Variants in KIF13A observed in about 807,000 individuals in gnomAD.
KIF13A encodes the protein kinesin-like protein KIF13A.
A neutral mutation model predicts 212.2 loss-of-function variants in KIF13A; 79 were observed. The ratio of observed to expected loss-of-function variants is 0.37; its 90% CI spans 0.31 to 0.45. The LOEUF (loss-of-function observed/expected upper bound fraction) is 0.45. Ranked by LOEUF, KIF13A falls within the 20% of genes least tolerant of loss-of-function variation. The pLI is 1.00. For synonymous variants in KIF13A, 789 were observed against 808.6 expected (o/e 0.98, Z 0.41); for missense variants, 1,901 against 2,209.0 (o/e 0.86, Z 2.79).
intron 2 of KIF13A, among the ~76,000 whole-genome samples, chr6:17,911,054 C>G (rs202175212): frequency 6.6e-6 from 1 of 152,162 alleles, no homozygotes; most frequent in African/African-American, 2.4e-5. Context: ...TGAGCCACCG[C>G]GCCCAGCCTA....
At chr6:17,851,025 G>A (rs1251164998) in intron 7 of KIF13A, among the ~76,000 whole-genome samples, 1 of 152,156 alleles carries the variant, frequency 6.6e-6, no homozygotes, top group Non-Finnish European at 1.5e-5. Context: ...CCAGTAAGAG[G>A]TAGAGCTGGG....
At chr6:17,833,399 G>T (rs1356013547) in intron 12 of KIF13A, among the ~76,000 whole-genome samples, 1 of 151,618 alleles carries the variant, frequency 6.6e-6, no homozygotes, top group African/African-American at 2.4e-5. Context: ...GGGGGACTGA[G>T]GGAGGAGAAT....
At chr6:17,760,990 A>G, downstream of KIF13A, 2 of 1,015,718 alleles carry the variant, frequency 2.0e-6, no homozygotes, top group Non-Finnish European at 3.0e-6. Context: ...GCTCTTCCTG[A>G]AGGGACCCAC....
intron 22 of KIF13A, among the ~76,000 whole-genome samples, chr6:17,797,418 C>T (rs190727282): frequency 6.6e-6 from 1 of 152,278 alleles, no homozygotes; most frequent in East Asian, 1.9e-4. Context: ...GAATCTACAT[C>T]GTCTTACACT....
chr6:17,805,661 T>C, intron 18 of KIF13A, 46 bp from the exon 19 acceptor site: 1 of 1,536,188 alleles, frequency 6.5e-7, no homozygotes, highest in Non-Finnish European at 8.8e-7. Context: ...TAACTCCTTT[T>C]TCGATTGCTA....
At chr6:17,924,233 A>G (rs1366262896) in intron 2 of KIF13A, among the ~76,000 whole-genome samples, 2 of 152,228 alleles carry the variant, frequency 1.3e-5, no homozygotes, top group Admixed American at 6.5e-5. Flanking sequence ...CCACTTACAC[A>G]GATTCCAGCA....
At chr6:17,793,309 TG>T (rs34013725) in intron 25 of KIF13A, among the ~76,000 whole-genome samples, 2 of 151,998 alleles carry the variant, frequency 1.3e-5, no homozygotes, top group African/African-American at 4.8e-5. Context: ...CTCGAACTCC[TG>T]GGCTCAAGTG....
chr6:17,777,504 CTGAGTA>C lies in KIF13A; in HGVS notation c.4093-156_4093-151del. The C allele has an allele frequency of 1.5e-6, 1 of 658,168 alleles. No individual in the cohort carries two copies. Among genetic ancestry groups the C allele is most frequent in the Non-Finnish European group, 2.7e-6 (1 of 370,470 alleles). 40.8% of individuals were successfully genotyped at this position (658,168 alleles called of 1,614,324 possible). A position where few individuals can be genotyped will look rare whatever the true frequency, so the allele number is the denominator to read the frequency against. On this transcript the variant is annotated intron_variant, in intron 33 of 38. Transcript: ENST00000259711. The surrounding 1 kb of genome is among the most constrained non-coding windows in gnomAD (Gnocchi z 4.4). ...GTTCAAGCAATTCTGCCTCAGTCTC[CTGAGTA>C]GCTGGGACTACAGGTGCACGCCACC...
chr6:17,875,387 C>T (rs1212123337), intron 3 of KIF13A, among the ~76,000 whole-genome samples: 3 of 151,742 alleles, frequency 2.0e-5, no homozygotes, highest in East Asian at 1.9e-4. Context: ...TACTATATAC[C>T]GGGAATGGCT....
intron 25 of KIF13A, among the ~76,000 whole-genome samples, chr6:17,793,961 G>A (rs1761826517): frequency 6.6e-6 from 1 of 151,932 alleles, no homozygotes; most frequent in Admixed American, 6.6e-5. Context: ...ATCAGGTCAG[G>A]CAGTAATGCC....
chr6:17,856,687 G>A lies in KIF13A; in HGVS notation c.221-565C>T, dbSNP rs1768173239. Among the ~76,000 whole-genome samples the A allele has an allele frequency of 6.6e-6, 1 of 152,182 alleles. No homozygotes were observed. The highest frequency in any genetic ancestry group is 2.4e-5 in the African/African-American group (1 of 41,444). On this transcript the variant is annotated intron_variant, in intron 4 of 38. Transcript: ENST00000259711. This position sits in a 1 kb window ranked among gnomAD's most constrained non-coding sequence, Gnocchi z 4.5. ...GACAAGTTCTCTTTTGTGAATCTCTGTATCACACTGCAGCTCTTGGGGGCA... is the reference window on the plus strand; with the variant it reads ...GACAAGTTCTCTTTTGTGAATCTCTATATCACACTGCAGCTCTTGGGGGCA...
rs111534728 is a variant in KIF13A, at chr6:17,851,938, TA to T, written c.582+16del. On this transcript the variant is annotated intron_variant, in intron 7 of 38. Transcript: ENST00000259711. The stretch of plus-strand genomic sequence containing the variant: ...TTATAGTCAGCTTTTAATCACATTT[TA>T]AAAAAAATGACTTACCTCAAAACTA... 118 of 1,378,312 alleles carry T rather than the reference TA, an allele frequency of 8.6e-5. No homozygotes were observed. Among genetic ancestry groups the T allele is most frequent in the South Asian group, 2.4e-4 (16 of 67,444 alleles). 85.4% of individuals were successfully genotyped at this position (1,378,312 alleles called of 1,614,324 possible). A position where few individuals can be genotyped will look rare whatever the true frequency, so the allele number is the denominator to read the frequency against.
chr6:17,879,569 G>A (rs184978662), intron 3 of KIF13A, among the ~76,000 whole-genome samples: 1 of 152,262 alleles, frequency 6.6e-6, no homozygotes, highest in Admixed American at 6.5e-5. Context: ...ATTATTCCAT[G>A]GTTCAGGTGG....
chr6:17,931,637 C>T (rs1775993855), intron 2 of KIF13A, among the ~76,000 whole-genome samples: 1 of 152,166 alleles, frequency 6.6e-6, no homozygotes, highest in African/African-American at 2.4e-5. Flanking sequence ...CTTCCTACTT[C>T]AGCCTCCCTG....
At position 17,850,668 on chromosome 6, in the gene KIF13A, T is replaced by C. The variant is rs961307251; in HGVS notation, c.583-211A>G. ...TGAAATGTTTCCCTAATTCTTTCCA[T>C]TTCCCAATTGTCTTCTTTCTCAGTT... On this transcript the variant is annotated intron_variant, in intron 7 of 38. Transcript: ENST00000259711. The surrounding 1 kb of genome is among the most constrained non-coding windows in gnomAD (Gnocchi z 6.2). 2.0e-5 allele frequency among the ~76,000 whole-genome samples: 3 copies of C among 152,204 alleles called. No individual in the cohort carries two copies. Among genetic ancestry groups the C allele is most frequent in the African/African-American group, 7.2e-5 (3 of 41,454 alleles).
At position 17,796,586 on chromosome 6, in the gene KIF13A, C is replaced by T. The variant is rs189572345; in HGVS notation, c.2942+83G>A. ...AATGATTTTATTTTTTTATAAGCAGCCTCCTAGGCCAGAGTAGGTTCAGAG... is the reference window on the plus strand; with the variant it reads ...AATGATTTTATTTTTTTATAAGCAGTCTCCTAGGCCAGAGTAGGTTCAGAG... On this transcript the variant is annotated intron_variant, in intron 23 of 38. Transcript: ENST00000259711. 8 of 882,300 alleles carry T rather than the reference C, an allele frequency of 9.1e-6. No homozygotes were observed. The Admixed American group carries it at 2.5e-4, about 28-fold the overall frequency. 54.7% of individuals were successfully genotyped at this position (882,300 alleles called of 1,614,324 possible).
At chr6:17,765,538 TA>T (rs980831123) in intron 38 of KIF13A, among the ~76,000 whole-genome samples, 1 of 152,252 alleles carries the variant, frequency 6.6e-6, no homozygotes, top group Non-Finnish European at 1.5e-5. Flanking sequence ...CGTAAGGCTA[TA>T]AAATACTAAC....
In KIF13A at chr6:17,787,999, GC is replaced by G. The variant is rs758359181; in HGVS notation, c.3262-125del. ...TCATTAGGAAAAGCTGTTGAACATT[GC>G]TGTGTGATTAATATGCAAGAAAGCA... On this transcript the variant is annotated intron_variant, in intron 26 of 38. Coordinates refer to ENST00000259711, the MANE Select transcript of KIF13A (RefSeq NM_022113.6). The surrounding 1 kb of genome is among the most constrained non-coding windows in gnomAD (Gnocchi z 4.6). 4.7e-6 allele frequency: 3 copies of G among 644,480 alleles called. No homozygotes were observed. Among genetic ancestry groups the G allele is most frequent in the African/African-American group, 1.8e-5 (1 of 55,270 alleles). 39.9% of individuals were successfully genotyped at this position (644,480 alleles called of 1,614,324 possible). A position where few individuals can be genotyped will look rare whatever the true frequency, so the allele number is the denominator to read the frequency against.
At chr6:17,917,043 C>T (rs9383332) in intron 2 of KIF13A, among the ~76,000 whole-genome samples, 109,355 of 150,046 alleles carry the variant, frequency 0.73, 40,189 homozygotes, top group South Asian at 0.84. Context: ...AAAAAAATTC[C>T]CCACTAGACA....
Sources: gnomAD v4.1 joint callset for allele counts (sites outside exome capture counted in the v4.1 genomes callset) on GRCh38, gnomAD v4.1.1 for gene constraint, Gnocchi (gnomAD v3.1) non-coding constraint, MANE v1.5 for transcripts, NCBI Gene and HGNC (gene_info 2026-07-23, HGNC 2026-07-21) for gene names.